The following DCC variants were observed in gnomAD, a reference collection of about 807,000 sequenced individuals.
The protein encoded by DCC is DCC netrin 1 receptor.
DCC carries 58 observed loss-of-function variants against 172.5 expected under a neutral mutation model. The observed-to-expected ratio is 0.34, with a 90% CI of 0.27 to 0.42. The LOEUF is 0.42. Among genes scored for constraint, DCC ranks in the 10% least tolerant of loss-of-function variants. The pLI, the probability that DCC is intolerant of heterozygous loss-of-function variation, is 1.00. For missense variants in DCC, 1,740 were observed against 1,791.0 expected, an observed-to-expected ratio of 0.97 and a Z score of 0.51; for synonymous variants, 709 against 644.5, an observed-to-expected ratio of 1.10 and a Z score of -1.52.
chr18:53,501,159 G>A (rs1322193478), intron 27 of DCC, among the ~76,000 whole-genome samples: 1 of 152,126 alleles, frequency 6.6e-6, no homozygotes, highest in African/African-American at 2.4e-5. Context: ...TAACAATAAC[G>A]AGCCTTTAAT....
chr18:53,441,451 C>T (rs1385763467), intron 22 of DCC, among the ~76,000 whole-genome samples: 1 of 151,212 alleles, frequency 6.6e-6, no homozygotes, highest in East Asian at 2.0e-4. Context: ...AATGTTCTGG[C>T]TGTTTCTTTA....
chr18:52,958,687 G>A (rs545001534), intron 5 of DCC, among the ~76,000 whole-genome samples: 24 of 152,184 alleles, frequency 1.6e-4, no homozygotes, highest in African/African-American at 5.5e-4. Flanking sequence ...GGATAAAGAA[G>A]GATGTAAATT....
chr18:53,192,720 G>A (rs2055384127), intron 9 of DCC, among the ~76,000 whole-genome samples: 2 of 152,148 alleles, frequency 1.3e-5, no homozygotes, highest in Non-Finnish European at 2.9e-5. Flanking sequence ...AAGATGTTAG[G>A]TTATGAGTGT....
At chr18:53,223,922 G>A (rs189457610) in intron 12 of DCC, among the ~76,000 whole-genome samples, 1 of 152,232 alleles carries the variant, frequency 6.6e-6, no homozygotes, top group Non-Finnish European at 1.5e-5. Context: ...GCCTGGCAAT[G>A]TGCTAAGCAA....
chr18:52,736,156 C>A (rs938082272), intron 1 of DCC, among the ~76,000 whole-genome samples: 1 of 151,988 alleles, frequency 6.6e-6, no homozygotes, highest in Non-Finnish European at 1.5e-5. Flanking sequence ...GCTGTGTCAC[C>A]TTGGTCAGGA....
At chr18:52,343,843 C>T (rs1434138625) in intron 1 of DCC, among the ~76,000 whole-genome samples, 1 of 152,210 alleles carries the variant, frequency 6.6e-6, no homozygotes, top group Admixed American at 6.5e-5. Context: ...GATCAGATGC[C>T]CCCATGTGGG....
intron 28 of DCC, among the ~76,000 whole-genome samples, chr18:53,528,854 G>A (rs1158976159): frequency 2.0e-5 from 3 of 151,944 alleles, no homozygotes; most frequent in African/African-American, 7.3e-5. Flanking sequence ...CATTTCAGGT[G>A]AGACTAGGCA....
intron 19 of DCC, 46 bp from the exon 20 acceptor site, chr18:53,410,406 C>A: frequency 8.4e-7 from 1 of 1,183,600 alleles, no homozygotes; most frequent in Non-Finnish European, 1.3e-6. Flanking sequence ...AGCAGAACTG[C>A]AGCGTGTAGG....
At chr18:53,066,640 C>T (rs1046380783) in intron 7 of DCC, among the ~76,000 whole-genome samples, 1 of 151,340 alleles carries the variant, frequency 6.6e-6, no homozygotes, top group Non-Finnish European at 1.5e-5. Flanking sequence ...TATATACGTA[C>T]ACACATATCT....
At chr18:53,203,478 A>G (rs377641244) in intron 9 of DCC, among the ~76,000 whole-genome samples, 1 of 152,300 alleles carries the variant, frequency 6.6e-6, no homozygotes, top group East Asian at 1.9e-4. Context: ...AGGTTCCAGG[A>G]CTGATGGGAA....
intron 5 of DCC, among the ~76,000 whole-genome samples, chr18:52,926,807 ATATG>A (rs1445783224): frequency 7.0e-6 from 1 of 142,120 alleles, no homozygotes; most frequent in East Asian, 2.1e-4. Flanking sequence ...ACACATATAC[ATATG>A]TGTGTGTATA....
chr18:52,522,755 A>G (rs530046058), intron 1 of DCC, among the ~76,000 whole-genome samples: 27 of 152,296 alleles, frequency 1.8e-4, no homozygotes, highest in Non-Finnish European at 2.1e-4. Flanking sequence ...GTATGTTTGT[A>G]TATTTATCCA....
At chr18:52,992,623 A>T (rs535030313) in intron 5 of DCC, among the ~76,000 whole-genome samples, 26 of 149,948 alleles carry the variant, frequency 1.7e-4, no homozygotes, top group South Asian at 2.1e-4. Flanking sequence ...TATTTATGAC[A>T]GTTGTGCAAA....
chr18:53,246,051 A>G (rs1006839414), intron 12 of DCC, among the ~76,000 whole-genome samples: 2 of 152,022 alleles, frequency 1.3e-5, no homozygotes, highest in Non-Finnish European at 2.9e-5. Context: ...CACTTACGGT[A>G]TTGAATAGTT....
intron 15 of DCC, among the ~76,000 whole-genome samples, chr18:53,361,620 AG>A (rs1477016596): frequency 1.3e-5 from 2 of 152,128 alleles, no homozygotes; most frequent in African/African-American, 4.8e-5. Flanking sequence ...ATTGTTGGCC[AG>A]TCAAACACAT....
chr18:52,761,915 AAAAAAAAAAAG>A (rs1235265431), intron 2 of DCC, among the ~76,000 whole-genome samples: 8 of 144,546 alleles, frequency 5.5e-5, no homozygotes, highest in African/African-American at 2.1e-4. Context: ...TCTCAAAAAA[AAAAAAAAAAAG>A]AAAAAAAAAA....
intron 1 of DCC, among the ~76,000 whole-genome samples, chr18:52,658,231 G>A (rs1326111479): frequency 6.6e-6 from 1 of 152,160 alleles, no homozygotes; most frequent in Non-Finnish European, 1.5e-5. Flanking sequence ...CCAGTTATAT[G>A]TTCAGCCAAC....
In DCC at chr18:53,429,065, ATATATAATATATATTT is replaced by A. The variant is rs1365979998; in HGVS notation, c.3164-6056_3164-6041del. On this transcript the variant is annotated intron_variant, in intron 21 of 28. Transcript: ENST00000442544. ...TTATATATAATATATTATATATTTT[ATATATAATATATATTT>A]TATATAATATATATTTTATATATAA... is the stretch of plus-strand genomic sequence containing the variant. 4.9e-3 allele frequency among the ~76,000 whole-genome samples: 127 copies of A among 26,034 alleles called. 2 individuals carry two copies. The highest frequency in any genetic ancestry group is 0.022 in the Middle Eastern group (1 of 46). 17.1% of individuals were successfully genotyped at this position (26,034 alleles called of 152,430 possible). A position where few individuals can be genotyped will look rare whatever the true frequency, so the allele number is the denominator to read the frequency against.
chr18:52,947,692 T>C (rs1368400837), intron 5 of DCC, among the ~76,000 whole-genome samples: 2 of 152,174 alleles, frequency 1.3e-5, no homozygotes, highest in African/African-American at 4.8e-5. Flanking sequence ...GGGATATGTG[T>C]TGACTACCTC....
Sources: gnomAD v4.1 joint callset for allele counts (sites outside exome capture counted in the v4.1 genomes callset) on GRCh38, gnomAD v4.1.1 for gene constraint, MANE v1.5 for transcripts, NCBI Gene and HGNC (gene_info 2026-07-23, HGNC 2026-07-21) for gene names.